Variants in ASIC2 observed in about 807,000 individuals in gnomAD.
ASIC2 encodes acid-sensing ion channel 2.
ASIC2 carries 25 observed loss-of-function variants against 57.3 expected under a neutral mutation model. The observed-to-expected ratio is 0.44, with a 90% CI of 0.32 to 0.61. The LOEUF is 0.61. ASIC2 is among the 20% of genes least tolerant of loss of function. The pLI is 0.06. For missense variants in ASIC2, 641 were observed against 738.1 expected, an observed-to-expected ratio of 0.87 and a Z score of 1.52; for synonymous variants, 319 against 307.5, an observed-to-expected ratio of 1.04 and a Z score of -0.39.
At chr17:34,051,876 G>A (rs1314823761) in intron 1 of ASIC2, 1 of 63,144 alleles carries the variant, frequency 1.6e-5, no homozygotes, top group Admixed American at 1.5e-4. Flanking sequence ...GAGAGAGAGC[G>A]AGAGAGCGAG....
chr17:33,899,065 T>C (rs1915173901), intron 1 of ASIC2, among the ~76,000 whole-genome samples: 1 of 151,662 alleles, frequency 6.6e-6, no homozygotes, highest in Non-Finnish European at 1.5e-5. Flanking sequence ...TAAAGAGAGC[T>C]TGCAGTGAGC....
intron 1 of ASIC2, among the ~76,000 whole-genome samples, chr17:33,375,194 C>T (rs1909231293): frequency 6.6e-6 from 1 of 152,010 alleles, no homozygotes; most frequent in African/African-American, 2.4e-5. Context: ...TGTTTGCTCT[C>T]TTATCAAGGT....
At chr17:33,993,448 A>T (rs1474199609) in intron 1 of ASIC2, among the ~76,000 whole-genome samples, 1 of 152,144 alleles carries the variant, frequency 6.6e-6, no homozygotes, top group African/African-American at 2.4e-5. Context: ...GCACAGCCAC[A>T]TGGCTGTTAT....
intron 1 of ASIC2, among the ~76,000 whole-genome samples, chr17:33,961,584 G>A (rs778078591): frequency 6.7e-6 from 1 of 149,984 alleles, no homozygotes; most frequent in Non-Finnish European, 1.5e-5. Flanking sequence ...GGTGTTTACT[G>A]TTTGGATTTT....
chr17:33,782,661 C>T (rs1470679459), intron 1 of ASIC2, among the ~76,000 whole-genome samples: 2 of 152,132 alleles, frequency 1.3e-5, no homozygotes, highest in South Asian at 4.2e-4. Flanking sequence ...CCTGGGAAGT[C>T]GAGGCTGCAC....
intron 8 of ASIC2, among the ~76,000 whole-genome samples, chr17:33,017,076 C>T (rs959377367): frequency 2.6e-5 from 4 of 152,206 alleles, no homozygotes; most frequent in African/African-American, 4.8e-5. Flanking sequence ...GCAGCCGGGG[C>T]GGCTGGCGTG....
intron 1 of ASIC2, among the ~76,000 whole-genome samples, chr17:33,267,423 A>C (rs1304988346): frequency 6.6e-6 from 1 of 152,178 alleles, no homozygotes; most frequent in Non-Finnish European, 1.5e-5. Context: ...ACTGAATCTG[A>C]TATAATCTGA....
intron 1 of ASIC2, among the ~76,000 whole-genome samples, chr17:33,248,010 T>G (rs930496370): frequency 1.3e-5 from 2 of 152,190 alleles, no homozygotes; most frequent in Non-Finnish European, 2.9e-5. Flanking sequence ...TCGAAGGTGA[T>G]AGAAGACTAT....
intron 1 of ASIC2, among the ~76,000 whole-genome samples, chr17:33,650,844 A>G (rs1597821791): frequency 1.3e-5 from 2 of 152,272 alleles, no homozygotes; most frequent in East Asian, 3.9e-4. Flanking sequence ...AGTGGAAGGA[A>G]AGGGGCTGTG....
chr17:33,791,168 T>C (rs1228129913), intron 1 of ASIC2, among the ~76,000 whole-genome samples: 1 of 152,164 alleles, frequency 6.6e-6, no homozygotes, highest in Admixed American at 6.5e-5. Context: ...GAAGAAGCCA[T>C]GAGGATTTAT....
chr17:33,609,024 G>A (rs9912574), intron 1 of ASIC2, among the ~76,000 whole-genome samples: 3,158 of 152,146 alleles, frequency 0.021, 56 homozygotes, highest in East Asian at 0.072. Context: ...AAGGAGGTGG[G>A]GGCACATCAG....
chr17:33,946,104 G>T (rs1208841509), intron 1 of ASIC2, among the ~76,000 whole-genome samples: 1 of 152,182 alleles, frequency 6.6e-6, no homozygotes, highest in Admixed American at 6.5e-5. Context: ...TGGAGGAGGG[G>T]ACCAGATCCT....
intron 1 of ASIC2, among the ~76,000 whole-genome samples, chr17:33,138,247 G>A (rs757090539): frequency 6.6e-6 from 1 of 152,164 alleles, no homozygotes; most frequent in African/African-American, 2.4e-5. Flanking sequence ...TATGTCAAAT[G>A]TCCCTTCCAT....
intron 1 of ASIC2, among the ~76,000 whole-genome samples, chr17:33,871,067 C>T (rs412343): frequency 0.31 from 47,785 of 152,088 alleles, 8,515 homozygotes; most frequent in African/African-American, 0.49. Context: ...ATGTGAGATG[C>T]CATGATCAAG....
chr17:33,293,626 G>A (rs1229126427), upstream of ASIC2, among the ~76,000 whole-genome samples: 1 of 152,188 alleles, frequency 6.6e-6, no homozygotes, highest in African/African-American at 2.4e-5. Context: ...TTGCTGTGTA[G>A]TGTGGGCATT....
intron 1 of ASIC2, among the ~76,000 whole-genome samples, chr17:33,255,944 T>A (rs879485671): frequency 6.6e-6 from 1 of 152,198 alleles, no homozygotes; most frequent in Non-Finnish European, 1.5e-5. Flanking sequence ...AAGTCACCTC[T>A]TATTAATATT....
At chr17:33,068,760 GT>G in intron 3 of ASIC2, among the ~76,000 whole-genome samples, 1 of 151,964 alleles carries the variant, frequency 6.6e-6, no homozygotes, top group Non-Finnish European at 1.5e-5. Flanking sequence ...CTGGTTAGAG[GT>G]TTATCAATTT....
intron 1 of ASIC2, among the ~76,000 whole-genome samples, chr17:33,182,758 T>C (rs1374276797): frequency 1.3e-5 from 2 of 152,194 alleles, no homozygotes; most frequent in African/African-American, 2.4e-5. Context: ...TGTATTTAAA[T>C]GGGGCAGTTG....
In ASIC2 at chr17:33,878,712, A is replaced by G. The variant is rs145291551; in HGVS notation, c.555+277266T>C. ...GATATTATCCAGGAGCACTTCCCCA[A>G]TCTAGCAAGGCAGGCCTACATTCAC... On this transcript the variant is annotated intron_variant, in intron 1 of 9. Coordinates refer to the ASIC2 transcript ENST00000359872. Among the ~76,000 whole-genome samples, 341 of 152,364 alleles carry G rather than the reference A, an allele frequency of 2.2e-3. 2 individuals carry two copies. The highest frequency in any genetic ancestry group is 7.9e-3 in the African/African-American group (327 of 41,586).
Sources: allele counts gnomAD v4.1 joint callset (sites outside exome capture counted in the v4.1 genomes callset), GRCh38; gene constraint gnomAD v4.1.1; transcripts MANE v1.5; gene names NCBI Gene and HGNC (gene_info 2026-07-23, HGNC 2026-07-21).